Variants in AK5 observed in about 807,000 individuals in gnomAD.
AK5 encodes adenylate kinase isoenzyme 5.
A neutral mutation model predicts 69.5 loss-of-function variants in AK5; 27 were observed. The ratio of observed to expected loss-of-function variants is 0.39; its 90% CI spans 0.29 to 0.54. The LOEUF is 0.54. Ranked by LOEUF, AK5 falls within the 20% of genes least tolerant of loss-of-function variation. The probability of loss-of-function intolerance (pLI) is 0.71; values close to 1 mark genes in which losing one functional copy is unlikely to be tolerated. For missense variants in AK5, 531 were observed against 700.4 expected (o/e 0.76, Z 2.73); for synonymous variants, 260 against 244.4 (o/e 1.06, Z -0.60).
chr1:77,544,898 G>T (rs1192634672), intron 13 of AK5, among the ~76,000 whole-genome samples: 1 of 152,176 alleles, frequency 6.6e-6, no homozygotes, highest in African/African-American at 2.4e-5. Flanking sequence ...TTACGTGATT[G>T]TACGTGCTAT....
chr1:77,391,468 C>T (rs936929258), intron 6 of AK5, among the ~76,000 whole-genome samples: 20 of 86,512 alleles, frequency 2.3e-4, no homozygotes, highest in South Asian at 1.3e-3. Flanking sequence ...TATATATACA[C>T]ATATGTGTGT....
intron 5 of AK5, among the ~76,000 whole-genome samples, chr1:77,331,985 TG>T (rs1321348674): frequency 1.3e-5 from 2 of 152,174 alleles, no homozygotes; most frequent in Non-Finnish European, 2.9e-5. Context: ...TCACCCAGGC[TG>T]GAGTGCAGTG....
intron 6 of AK5, among the ~76,000 whole-genome samples, chr1:77,400,933 TAAAA>T (rs71689422): frequency 1.4e-4 from 16 of 115,294 alleles, no homozygotes; most frequent in African/African-American, 3.2e-4. Flanking sequence ...TTCATTCTGT[TAAAA>T]AAAAAAAAAA....
intron 13 of AK5, among the ~76,000 whole-genome samples, chr1:77,536,409 G>A (rs905421047): frequency 2.0e-5 from 3 of 152,150 alleles, no homozygotes; most frequent in African/African-American, 7.2e-5. Flanking sequence ...AGCTGAGATT[G>A]TGCCACTACA....
intron 10 of AK5, among the ~76,000 whole-genome samples, chr1:77,488,140 G>A (rs113072669): frequency 0.045 from 6,785 of 152,280 alleles, 216 homozygotes; most frequent in South Asian, 0.095. Flanking sequence ...GTGTCAAGCA[G>A]TGGGAATTCT....
chr1:77,516,062 C>T (rs923825999), intron 10 of AK5, among the ~76,000 whole-genome samples: 14 of 151,720 alleles, frequency 9.2e-5, no homozygotes, highest in Non-Finnish European at 1.5e-4. Context: ...GAGCAAGACC[C>T]TATCTCAAAG....
chr1:77,457,956 G>A (rs2803162), intron 8 of AK5, among the ~76,000 whole-genome samples: 48,882 of 151,932 alleles, frequency 0.32, 8,379 homozygotes, highest in East Asian at 0.59. Context: ...GTCAACAGAA[G>A]CCAGGCATGG....
chr1:77,406,365 C>G (rs1012682993), intron 6 of AK5, among the ~76,000 whole-genome samples: 14 of 151,974 alleles, frequency 9.2e-5, no homozygotes, highest in African/African-American at 3.4e-4. Flanking sequence ...TGGTGGACTC[C>G]ATGAGTTGAG....
At chr1:77,298,887 AG>A (rs1659173942) in intron 5 of AK5, among the ~76,000 whole-genome samples, 1 of 152,302 alleles carries the variant, frequency 6.6e-6, no homozygotes, top group African/African-American at 2.4e-5. Context: ...ACAAATTTTA[AG>A]TCTATCTGTA....
chr1:77,548,813 A>G (rs570346878), intron 13 of AK5, among the ~76,000 whole-genome samples: 8 of 151,970 alleles, frequency 5.3e-5, no homozygotes, highest in African/African-American at 1.7e-4. Context: ...TTGGGTAGAA[A>G]TATTATCACT....
chr1:77,384,593 A>G (rs1296071324), intron 6 of AK5, among the ~76,000 whole-genome samples: 1 of 152,162 alleles, frequency 6.6e-6, no homozygotes, highest in East Asian at 1.9e-4. Context: ...CTACCACCCC[A>G]TGCTGCCTCT....
intron 8 of AK5, among the ~76,000 whole-genome samples, chr1:77,454,036 C>A (rs1653323108): frequency 6.6e-6 from 1 of 152,150 alleles, no homozygotes; most frequent in South Asian, 2.1e-4. Flanking sequence ...AGCTTCTAGT[C>A]TTCAGCTCTG....
At chr1:77,313,650 C>T (rs1360774236) in intron 5 of AK5, 2 of 401,392 alleles carry the variant, frequency 5.0e-6, no homozygotes, top group Non-Finnish European at 4.9e-6. Context: ...CCATACTCTA[C>T]AGCACACCCT....
intron 8 of AK5, among the ~76,000 whole-genome samples, chr1:77,429,589 T>G (rs1651455618): frequency 6.6e-6 from 1 of 152,164 alleles, no homozygotes; most frequent in Non-Finnish European, 1.5e-5. Context: ...AGAAATAAAG[T>G]TAAAACTGTG....
intron 6 of AK5, among the ~76,000 whole-genome samples, chr1:77,343,019 A>G (rs1240151296): frequency 2.0e-5 from 3 of 152,170 alleles, no homozygotes; most frequent in Non-Finnish European, 4.4e-5. Flanking sequence ...TTCTCACTAT[A>G]TAGTAAGCTC....
chr1:77,406,704 G>GAAAAAAAAAAAAAA (rs752481198), intron 6 of AK5, among the ~76,000 whole-genome samples: 4 of 147,540 alleles, frequency 2.7e-5, no homozygotes, highest in South Asian at 2.2e-4. Flanking sequence ...CTGATGCTGA[G>GAAAAAAAAAAAAAA]GAAAAAAAAA....
chr1:77,518,833 A>G (rs1053273937), intron 11 of AK5, 106 bp downstream of exon 11: 8 of 1,141,746 alleles, frequency 7.0e-6, no homozygotes, highest in African/African-American at 1.6e-5. Context: ...CCAAAGAAAC[A>G]ATAGCTGTAT....
At chr1:77,472,323 G>A (rs532041029) in intron 8 of AK5, among the ~76,000 whole-genome samples, 5 of 152,296 alleles carry the variant, frequency 3.3e-5, no homozygotes, top group Admixed American at 2.0e-4. Flanking sequence ...CAGGGTGGCA[G>A]TGGTGGATCC....
chr1:77,437,220 T>C (rs1017194545), intron 8 of AK5, among the ~76,000 whole-genome samples: 1 of 152,160 alleles, frequency 6.6e-6, no homozygotes, highest in African/African-American at 2.4e-5. Flanking sequence ...CTATTATGTT[T>C]TTGATAACAT....
Sources: gnomAD v4.1 joint callset for allele counts (sites outside exome capture counted in the v4.1 genomes callset) on GRCh38, gnomAD v4.1.1 for gene constraint, MANE v1.5 for transcripts, NCBI Gene and HGNC (gene_info 2026-07-23, HGNC 2026-07-21) for gene names.